The following TECPR2 variants were observed in gnomAD, a reference collection of about 807,000 sequenced individuals.
TECPR2 encodes the protein tectonin beta-propeller repeat containing 2.
TECPR2 carries 65 observed loss-of-function variants against 138.1 expected under a neutral mutation model. The observed-to-expected ratio is 0.47, with a 90% CI of 0.39 to 0.58. The LOEUF (loss-of-function observed/expected upper bound fraction) is 0.58, where lower values mean the gene tolerates loss of function less well. Ranked by LOEUF, TECPR2 falls within the 20% of genes least tolerant of loss-of-function variation. The pLI is 0.00. For missense variants in TECPR2, 1,553 were observed against 1,824.5 expected, an observed-to-expected ratio of 0.85 and a Z score of 2.71; for synonymous variants, 746 against 749.8, an observed-to-expected ratio of 0.99 and a Z score of 0.08.
At chr14:102,363,322 G>T (rs1887235318) in intron 1 of TECPR2, among the ~76,000 whole-genome samples, 1 of 152,188 alleles carries the variant, frequency 6.6e-6, no homozygotes, top group Non-Finnish European at 1.5e-5. Flanking sequence ...GGAGCGCCTG[G>T]CTCGCCGCCC....
intron 2 of TECPR2, among the ~76,000 whole-genome samples, chr14:102,396,352 C>T (rs1334915505): frequency 6.6e-6 from 1 of 152,182 alleles, no homozygotes; most frequent in Admixed American, 6.5e-5. Context: ...ATCTGCCCAC[C>T]TTGGCCTCCC....
At chr14:102,395,385 C>T (rs1409813828) in intron 2 of TECPR2, among the ~76,000 whole-genome samples, 1 of 152,174 alleles carries the variant, frequency 6.6e-6, no homozygotes, top group Non-Finnish European at 1.5e-5. Context: ...CGCCATATAT[C>T]TTAGCAAGGT....
At chr14:102,484,610 CAGA>C (rs1481639741) in intron 17 of TECPR2, among the ~76,000 whole-genome samples, 1 of 152,120 alleles carries the variant, frequency 6.6e-6, no homozygotes, top group Non-Finnish European at 1.5e-5. Flanking sequence ...TTCCAGCTTC[CAGA>C]ATTGTATGGC....
chr14:102,423,213 A>G (rs1889231058), intron 5 of TECPR2, among the ~76,000 whole-genome samples: 1 of 152,156 alleles, frequency 6.6e-6, no homozygotes, highest in African/African-American at 2.4e-5. Context: ...CAGGTGGATC[A>G]CTTGAGGTCA....
intron 2 of TECPR2, among the ~76,000 whole-genome samples, chr14:102,385,373 T>A (rs1204621540): frequency 6.6e-6 from 1 of 152,004 alleles, no homozygotes; most frequent in South Asian, 2.1e-4. Flanking sequence ...CACTGCCACT[T>A]TGGGGATCAG....
intron 8 of TECPR2, among the ~76,000 whole-genome samples, chr14:102,433,628 C>A (rs1174700868): frequency 1.4e-4 from 21 of 152,040 alleles, no homozygotes; most frequent in African/African-American, 5.1e-4. Context: ...TCAAGCAATT[C>A]TCCTGCCTCA....
At position 102,482,179 on chromosome 14, in the gene TECPR2, G is replaced by A. The variant is rs545612125; in HGVS notation, c.3790-14800G>A. 1.7e-4 allele frequency among the ~76,000 whole-genome samples: 26 copies of A among 152,062 alleles called. 1 individual carries two copies. In the South Asian group the frequency reaches 4.8e-3, roughly 28 times the overall value. ...AGTGATTCTTCTGCCTCAGCCTCCC[G>A]AGTAGCTGGGCTTAACAGGCGTGTG... is the stretch of plus-strand genomic sequence containing the variant. On this transcript the variant is annotated intron_variant, in intron 17 of 19. Transcript: ENST00000359520.
intron 2 of TECPR2, among the ~76,000 whole-genome samples, chr14:102,389,241 A>C (rs1597777502): frequency 6.7e-6 from 1 of 150,036 alleles, no homozygotes; most frequent in South Asian, 2.1e-4. Flanking sequence ...CAGGAGAATC[A>C]TTTGAACCTG....
At position 102,501,798 on chromosome 14, in the gene TECPR2, G is replaced by A. The variant is rs554397595; in HGVS notation, c.*3541G>A. 2 of 152,272 alleles carry A rather than the reference G, an allele frequency of 1.3e-5. No individual in the cohort carries two copies. The highest frequency in any genetic ancestry group is 4.8e-5 in the African/African-American group (2 of 41,550). The allele number at this position is 152,272 out of a possible 1,614,324, so 9.4% of individuals were successfully genotyped here. On this transcript the variant is annotated 3_prime_UTR_variant, in exon 20 of 20. Coordinates refer to ENST00000359520, the MANE Select transcript of TECPR2 (RefSeq NM_014844.5). ...TAAATATATTTATTAAAAACCAATA[G>A]GAGGAGCACTTCGAGTCGAGTGTAA...
intron 4 of TECPR2, 44 bp downstream of exon 4, chr14:102,408,663 A>C: frequency 6.5e-7 from 1 of 1,550,212 alleles, no homozygotes; most frequent in South Asian, 1.2e-5. Context: ...ACCTTCTTAC[A>C]TTTGGAAAAA....
At chr14:102,452,267 G>T in intron 15 of TECPR2, 127 bp from the exon 16 acceptor site, 1 of 856,096 alleles carries the variant, frequency 1.2e-6, no homozygotes, top group Non-Finnish European at 1.8e-6. Context: ...GAATGGGCAG[G>T]TGAGTGAGCT....
chr14:102,448,108 A>G (rs1187421036), intron 13 of TECPR2, among the ~76,000 whole-genome samples: 3 of 152,134 alleles, frequency 2.0e-5, no homozygotes, highest in Non-Finnish European at 4.4e-5. Flanking sequence ...ATATATATAC[A>G]TATACATGTA....
At chr14:102,411,168 T>G (rs1039582036) in intron 4 of TECPR2, among the ~76,000 whole-genome samples, 1 of 152,266 alleles carries the variant, frequency 6.6e-6, no homozygotes, top group East Asian at 1.9e-4. Flanking sequence ...TAATCCTGCT[T>G]GAAGCAGCCC....
intron 1 of TECPR2, among the ~76,000 whole-genome samples, chr14:102,376,163 C>G (rs949921600): frequency 6.6e-6 from 1 of 152,154 alleles, no homozygotes; most frequent in Non-Finnish European, 1.5e-5. Context: ...GCCCACTATT[C>G]TCCTAATAGA....
At chr14:102,432,274 A>C in intron 8 of TECPR2, 146 bp downstream of exon 8, 1 of 748,652 alleles carries the variant, frequency 1.3e-6, no homozygotes, top group South Asian at 2.1e-5. Context: ...GTTTTACTGC[A>C]AAATACTTCA....
At chr14:102,417,760 C>T (rs1327175559) in intron 5 of TECPR2, among the ~76,000 whole-genome samples, 1 of 132,528 alleles carries the variant, frequency 7.5e-6, no homozygotes, top group Non-Finnish European at 1.6e-5. Context: ...GGGGAGGCTG[C>T]CATGGGAGTC....
At chr14:102,408,327 C>T (rs1805751263) in intron 3 of TECPR2, among the ~76,000 whole-genome samples, 161 bp from the exon 4 acceptor site, 1 of 152,070 alleles carries the variant, frequency 6.6e-6, no homozygotes, top group Non-Finnish European at 1.5e-5. Flanking sequence ...TTGAAGGTGA[C>T]TAGACAGATG....
intron 17 of TECPR2, among the ~76,000 whole-genome samples, chr14:102,485,882 C>A (rs1891016798): frequency 6.6e-6 from 1 of 152,314 alleles, no homozygotes; most frequent in Non-Finnish European, 1.5e-5. Flanking sequence ...AGCTTCTGCT[C>A]TTCTTGTCTC....
At chr14:102,480,011 CTTGTTTTT>C (rs1890851718) in intron 17 of TECPR2, among the ~76,000 whole-genome samples, 3 of 152,300 alleles carry the variant, frequency 2.0e-5, no homozygotes, top group Admixed American at 6.5e-5. Context: ...TCAACTAATA[CTTGTTTTT>C]TGCCTGTAGA....
Sources: allele counts gnomAD v4.1 joint callset (sites outside exome capture counted in the v4.1 genomes callset), GRCh38; gene constraint gnomAD v4.1.1; transcripts MANE v1.5; gene names NCBI Gene and HGNC (gene_info 2026-07-23, HGNC 2026-07-21).